RYR2: variants seen among roughly 807,000 people sequenced by gnomAD.
The protein encoded by RYR2 is ryanodine receptor 2.
RYR2 carries 227 observed loss-of-function variants against 601.1 expected under a neutral mutation model. That is an observed-to-expected ratio of 0.38 (90% CI 0.34 to 0.42). RYR2 has a LOEUF of 0.42. RYR2 is among the 10% of genes least tolerant of loss of function. The probability of loss-of-function intolerance (pLI) is 1.00; values close to 1 mark genes in which losing one functional copy is unlikely to be tolerated. For missense variants in RYR2, 4,646 were observed against 6,156.5 expected, an observed-to-expected ratio of 0.75 and a Z score of 8.21; for synonymous variants, 2,223 against 2,175.1, an observed-to-expected ratio of 1.02 and a Z score of -0.61.
intron 3 of RYR2, among the ~76,000 whole-genome samples, chr1:237,331,483 TCTC>T (rs1481107340): frequency 6.6e-6 from 1 of 152,030 alleles, no homozygotes; most frequent in Non-Finnish European, 1.5e-5. Context: ...AGCTAATCCT[TCTC>T]CTCTGAAAAT....
chr1:237,416,897 C>T (rs1440696004), intron 10 of RYR2, among the ~76,000 whole-genome samples, 152 bp from the exon 11 acceptor site: 2 of 151,796 alleles, frequency 1.3e-5, no homozygotes, highest in East Asian at 1.9e-4. Flanking sequence ...TTTTTATTTC[C>T]AGCTATACTG....
chr1:237,619,862 C>T (rs1293155335), intron 38 of RYR2, among the ~76,000 whole-genome samples: 2 of 152,084 alleles, frequency 1.3e-5, no homozygotes, highest in African/African-American at 4.8e-5. Flanking sequence ...TTTGAAAATA[C>T]TCTTAAGGAA....
At chr1:237,459,354 C>G (rs1454316600) in intron 16 of RYR2, among the ~76,000 whole-genome samples, 1 of 152,118 alleles carries the variant, frequency 6.6e-6, no homozygotes, top group Non-Finnish European at 1.5e-5. Flanking sequence ...GGGGGCTGAA[C>G]TGGTAGGATT....
intron 23 of RYR2, among the ~76,000 whole-genome samples, chr1:237,508,969 C>G (rs985524226): frequency 1.3e-5 from 2 of 151,806 alleles, no homozygotes; most frequent in South Asian, 2.1e-4. Context: ...GTTTCGATCT[C>G]CTGACCTCGT....
At chr1:237,827,881 G>A (rs1270670059) in intron 101 of RYR2, among the ~76,000 whole-genome samples, 1 of 137,694 alleles carries the variant, frequency 7.3e-6, no homozygotes, top group African/African-American at 2.6e-5. Context: ...AGCTTGCAGT[G>A]AGCCGAGATT....
intron 4 of RYR2, among the ~76,000 whole-genome samples, chr1:237,363,881 G>T (rs951724244): frequency 6.6e-6 from 1 of 152,240 alleles, no homozygotes; most frequent in Admixed American, 6.5e-5. Context: ...TGCATGAAAC[G>T]AGAGCCGCTC....
At chr1:237,728,954 CA>C (rs200717789) in intron 76 of RYR2, among the ~76,000 whole-genome samples, 2 of 148,194 alleles carry the variant, frequency 1.3e-5, no homozygotes, top group Admixed American at 6.8e-5. Flanking sequence ...GTAATGAAAG[CA>C]AAAAAAAAGA....
At position 237,594,912 on chromosome 1, in the gene RYR2, T is replaced by G. The variant is rs1306435049; in HGVS notation, c.4437-586T>G. Among the ~76,000 whole-genome samples, 540 of 73,276 alleles carry G rather than the reference T, an allele frequency of 7.4e-3. 13 individuals are homozygous for G. The highest frequency in any genetic ancestry group is 0.015 in the African/African-American group (400 of 27,002). 48.1% of individuals were successfully genotyped at this position (73,276 alleles called of 152,430 possible). On this transcript the variant is annotated intron_variant, in intron 33 of 104. Coordinates refer to ENST00000366574, the MANE Select transcript of RYR2 (RefSeq NM_001035.3). ...TTTTTTTTTTTTTTTTTTTTTTTTT[T>G]TTTTTTTTTTTTTTTTTTTGCATAT...
At chr1:237,692,111 A>G (rs1297816081) in intron 63 of RYR2, among the ~76,000 whole-genome samples, 1 of 152,230 alleles carries the variant, frequency 6.6e-6, no homozygotes, top group Non-Finnish European at 1.5e-5. Context: ...ATGGTGGCAC[A>G]GGTGGTGCTT....
At chr1:237,638,547 A>G in intron 45 of RYR2, 55 bp downstream of exon 45, 2 of 1,565,638 alleles carry the variant, frequency 1.3e-6, no homozygotes, top group Admixed American at 1.7e-5. Context: ...GCATAGAGAT[A>G]TAATAAGGAT....
intron 48 of RYR2, among the ~76,000 whole-genome samples, 172 bp downstream of exon 48, chr1:237,643,619 C>CTTT (rs113722212): frequency 6.6e-4 from 98 of 147,406 alleles, no homozygotes; most frequent in African/African-American, 9.7e-4. Context: ...TAATTTTTTC[C>CTTT]TTTTTTTTTT....
intron 17 of RYR2, among the ~76,000 whole-genome samples, chr1:237,486,387 A>G (rs907852055): frequency 6.6e-6 from 1 of 152,182 alleles, no homozygotes; most frequent in Admixed American, 6.5e-5. Context: ...TTATTGCTGT[A>G]CAATACTTAA....
chr1:237,245,586 A>G (rs1686731870), intron 1 of RYR2, among the ~76,000 whole-genome samples: 1 of 152,180 alleles, frequency 6.6e-6, no homozygotes, highest in African/African-American at 2.4e-5. Context: ...GAAGTTGTCA[A>G]CCGTGTATCA....
intron 1 of RYR2, among the ~76,000 whole-genome samples, chr1:237,183,064 A>G (rs1678962681): frequency 6.6e-6 from 1 of 152,086 alleles, no homozygotes. Flanking sequence ...CTCTTTGCCA[A>G]CCCGATCCTG....
intron 63 of RYR2, among the ~76,000 whole-genome samples, chr1:237,696,236 C>T (rs909059578): frequency 1.3e-5 from 2 of 152,130 alleles, no homozygotes; most frequent in African/African-American, 4.8e-5. Context: ...AAGGGACAGA[C>T]AACTGAGTGT....
chr1:237,121,625 T>C lies in RYR2; in HGVS notation c.48+79056T>C, dbSNP rs534042133. Among the ~76,000 whole-genome samples, 24 of 152,138 alleles carry C rather than the reference T, an allele frequency of 1.6e-4. 1 individual carries two copies. The South Asian group carries it at 5.0e-3, about 32-fold the overall frequency. On this transcript the variant is annotated intron_variant, in intron 1 of 104. Transcript: ENST00000366574. The stretch of plus-strand genomic sequence containing the variant: ...GAGGAGCTGTAGAGAAAGAGGGAGA[T>C]GTAATAGAGGCAGAGATCCGAATTC...
chr1:237,178,103 T>G (rs1678260922), intron 1 of RYR2, among the ~76,000 whole-genome samples: 1 of 152,242 alleles, frequency 6.6e-6, no homozygotes, highest in Admixed American at 6.5e-5. Flanking sequence ...TCTTGGGGTT[T>G]TAATGAGCAT....
At chr1:237,529,510 T>C (rs969138630) in intron 24 of RYR2, among the ~76,000 whole-genome samples, 2 of 152,138 alleles carry the variant, frequency 1.3e-5, no homozygotes, top group African/African-American at 4.8e-5. Context: ...TGTATATACA[T>C]ATAACCATCA....
chr1:237,087,758 C>G (rs1484010518), intron 1 of RYR2, among the ~76,000 whole-genome samples: 1 of 152,126 alleles, frequency 6.6e-6, no homozygotes, highest in African/African-American at 2.4e-5. Flanking sequence ...CTCCTACATT[C>G]CCCCCTCCAC....
Sources: gnomAD v4.1 joint callset for allele counts (sites outside exome capture counted in the v4.1 genomes callset) on GRCh38, gnomAD v4.1.1 for gene constraint, MANE v1.5 for transcripts, NCBI Gene and HGNC (gene_info 2026-07-23, HGNC 2026-07-21) for gene names.